The following SETD3 variants were observed in gnomAD, a reference collection of about 807,000 sequenced individuals.
SETD3 encodes the protein SET domain containing 3, actin N3(tau)-histidine methyltransferase.
SETD3 carries 19 observed loss-of-function variants against 63.0 expected under a neutral mutation model. The ratio of observed to expected loss-of-function variants is 0.30; its 90% CI spans 0.21 to 0.44. The LOEUF (loss-of-function observed/expected upper bound fraction) is 0.44, where lower values mean the gene tolerates loss of function less well. Ranked by LOEUF, SETD3 falls within the 20% of genes least tolerant of loss-of-function variation. The probability of loss-of-function intolerance (pLI) is 1.00; values close to 1 mark genes in which losing one functional copy is unlikely to be tolerated. For missense variants in SETD3, 587 were observed against 728.5 expected (o/e 0.81, Z 2.24); for synonymous variants, 286 against 264.1 (o/e 1.08, Z -0.80).
intron 6 of SETD3, among the ~76,000 whole-genome samples, chr14:99,449,263 GTATC>G (rs1349067244): frequency 6.6e-6 from 1 of 152,176 alleles, no homozygotes; most frequent in East Asian, 1.9e-4. Flanking sequence ...ACAAAAACCA[GTATC>G]TATCAGGTTT....
chr14:99,461,114 C>G (rs571458346), intron 4 of SETD3, 78 bp downstream of exon 4: 95 of 1,520,572 alleles, frequency 6.2e-5, no homozygotes, highest in Middle Eastern at 5.2e-4. Context: ...ACACGTCTAC[C>G]TCTTCACCCT....
intron 1 of SETD3, among the ~76,000 whole-genome samples, chr14:99,473,609 A>G (rs1895817994): frequency 6.6e-6 from 1 of 152,156 alleles, no homozygotes; most frequent in Admixed American, 6.5e-5. Context: ...AAGGGAGGGA[A>G]TGGTCCTAAG....
intron 8 of SETD3, chr14:99,412,073 C>T (rs1163134221): frequency 2.6e-5 from 4 of 152,244 alleles, no homozygotes; most frequent in African/African-American, 7.2e-5. Flanking sequence ...GGAAAGCTGA[C>T]AGAGAAAAGA....
chr14:99,409,462 T>C (rs1891858718), intron 8 of SETD3, among the ~76,000 whole-genome samples: 2 of 152,182 alleles, frequency 1.3e-5, no homozygotes, highest in East Asian at 1.9e-4. Context: ...AGCAGCTCCA[T>C]GGAGCCCTGC....
At chr14:99,472,880 A>G (rs1307857291) in intron 1 of SETD3, among the ~76,000 whole-genome samples, 1 of 152,268 alleles carries the variant, frequency 6.6e-6, no homozygotes, top group Non-Finnish European at 1.5e-5. Context: ...TACGAAGAGT[A>G]GCAATACAAG....
chr14:99,433,437 TA>T (rs1893293772), intron 6 of SETD3, among the ~76,000 whole-genome samples: 1 of 152,082 alleles, frequency 6.6e-6, no homozygotes, highest in Admixed American at 6.5e-5. Context: ...ATATATATTT[TA>T]AAAGTTCTTT....
chr14:99,401,569 A>G (rs1286997998), intron 11 of SETD3, among the ~76,000 whole-genome samples: 4 of 152,248 alleles, frequency 2.6e-5, no homozygotes, highest in Non-Finnish European at 4.4e-5. Context: ...GAGAATCAAC[A>G]GACCTAAAAG....
intron 1 of SETD3, among the ~76,000 whole-genome samples, chr14:99,472,232 AG>A (rs1368046214): frequency 6.6e-6 from 1 of 152,244 alleles, no homozygotes; most frequent in African/African-American, 2.4e-5. Flanking sequence ...AAAACACATA[AG>A]TAACTAAACA....
intron 6 of SETD3, among the ~76,000 whole-genome samples, chr14:99,445,501 C>A (rs146301490): frequency 6.6e-6 from 1 of 152,220 alleles, no homozygotes; most frequent in African/African-American, 2.4e-5. Context: ...CCTCTAACCC[C>A]TTCCTCCTTT....
chr14:99,400,413 T>A (rs1891328066), intron 11 of SETD3, among the ~76,000 whole-genome samples, 154 bp from the exon 12 acceptor site: 1 of 152,126 alleles, frequency 6.6e-6, no homozygotes, highest in Non-Finnish European at 1.5e-5. Context: ...TCCTAGACTC[T>A]CCAAAGTAGA....
rs1055832780 is a variant in SETD3, at chr14:99,463,632, C to G, written c.104-54G>C. 9 of 1,387,590 alleles carry G rather than the reference C, an allele frequency of 6.5e-6. No individual in the cohort carries two copies. The African/African-American group carries it at 1.3e-4, about 20-fold the overall frequency. 86.0% of individuals were successfully genotyped at this position (1,387,590 alleles called of 1,614,324 possible). On this transcript the variant is annotated intron_variant, in intron 2 of 12. Transcript: ENST00000331768. ...CACTTCTCTCTTTCAACTTAACCTACTAGTCTGCACAAGAAAGAGGATTTG... is the reference window on the plus strand; with the variant it reads ...CACTTCTCTCTTTCAACTTAACCTAGTAGTCTGCACAAGAAAGAGGATTTG...
chr14:99,433,461 G>A (rs1284235315), intron 6 of SETD3, among the ~76,000 whole-genome samples: 4 of 150,448 alleles, frequency 2.7e-5, no homozygotes, highest in African/African-American at 9.8e-5. Flanking sequence ...TTTTTGAGAT[G>A]GAGTCTCACT....
chr14:99,412,797 C>T lies in SETD3; in HGVS notation c.849+154G>A, dbSNP rs901657479. 30 of 593,526 alleles carry T rather than the reference C, an allele frequency of 5.1e-5. No homozygotes were observed. In the Admixed American group the frequency reaches 8.9e-4, roughly 18 times the overall value. 36.8% of individuals were successfully genotyped at this position (593,526 alleles called of 1,614,324 possible). ...AAAAATACCAGCTTCTATCTGTGGG[C>T]GGTGGGGAGGAGTGGCCGGTTCGGT... is the stretch of plus-strand genomic sequence containing the variant. On this transcript the variant is annotated intron_variant, in intron 8 of 12. Transcript: ENST00000331768.
chr14:99,460,888 C>T lies in SETD3; in HGVS notation c.345+304G>A, dbSNP rs967793617. Among the ~76,000 whole-genome samples, 6 of 152,200 alleles carry T rather than the reference C, an allele frequency of 3.9e-5. No individual in the cohort carries two copies. In the South Asian group the frequency reaches 6.2e-4, roughly 16 times the overall value. Reference sequence around the variant, plus strand: ...AAGTTACAAAATCCAAACCATGAGTCCACCTCCTTATCTTTAGGTAAATCT... The same window carrying T: ...AAGTTACAAAATCCAAACCATGAGTTCACCTCCTTATCTTTAGGTAAATCT... On this transcript the variant is annotated intron_variant, in intron 4 of 12. Coordinates refer to ENST00000331768, the MANE Select transcript of SETD3 (RefSeq NM_032233.3).
intron 8 of SETD3, among the ~76,000 whole-genome samples, chr14:99,407,302 T>C (rs999048407): frequency 2.0e-5 from 3 of 152,168 alleles, no homozygotes; most frequent in Non-Finnish European, 4.4e-5. Flanking sequence ...GGTCAGCCAA[T>C]GTCATGGCCT....
At chr14:99,437,833 C>A (rs991362803) in intron 6 of SETD3, among the ~76,000 whole-genome samples, 1 of 152,210 alleles carries the variant, frequency 6.6e-6, no homozygotes, top group South Asian at 2.1e-4. Context: ...AACTGAAATT[C>A]TTCCTTTGTC....
chr14:99,458,381 T>A lies in SETD3; in HGVS notation c.573A>T (p.Glu191Asp). Residue 191 changes from glutamate (E) to aspartate (D), a missense_variant, in exon 6 of 13, where the codon GAA becomes GAT. Coordinates refer to ENST00000331768, the MANE Select transcript of SETD3 (RefSeq NM_032233.3). ...SEYDTPLYFE[E>D]DEVRYLQSTQ... ...TGGACTGAAGATACCGAACTTCATC[T>A]TCTTCAAAGTAGAGAGGAGTGTCAT... The A allele has an allele frequency of 6.2e-7, 1 of 1,614,174 alleles. No individual in the cohort carries two copies. Among genetic ancestry groups the A allele is most frequent in the Non-Finnish European group, 8.5e-7 (1 of 1,180,024 alleles).
intron 8 of SETD3, among the ~76,000 whole-genome samples, chr14:99,409,553 C>A (rs1050817582): frequency 2.0e-5 from 3 of 152,244 alleles, no homozygotes; most frequent in African/African-American, 4.8e-5. Context: ...ACACTTGGTG[C>A]ACAGCTGTAT....
At chr14:99,410,222 AATAGC>A in intron 8 of SETD3, 1 of 1,613,662 alleles carries the variant, frequency 6.2e-7, no homozygotes, top group South Asian at 1.1e-5. Flanking sequence ...GTGTCTGAAG[AATAGC>A]AGGGAACCAG....
Sources: allele counts gnomAD v4.1 joint callset (sites outside exome capture counted in the v4.1 genomes callset), GRCh38; gene constraint gnomAD v4.1.1; transcripts MANE v1.5; gene names NCBI Gene and HGNC (gene_info 2026-07-23, HGNC 2026-07-21).